Variants in SDK1 observed in about 807,000 individuals in gnomAD.
The protein encoded by SDK1 is protein sidekick-1.
In SDK1, 157 loss-of-function variants were observed where a neutral mutation model predicts 245.5. The observed-to-expected ratio is 0.64, with a 90% CI of 0.56 to 0.73. The LOEUF (loss-of-function observed/expected upper bound fraction) is 0.73. Ranked by LOEUF, SDK1 falls within the 30% of genes least tolerant of loss-of-function variation. The pLI is 0.00. For synonymous variants in SDK1, 1,647 were observed against 1,278.5 expected, an observed-to-expected ratio of 1.29 and a Z score of -6.15; for missense variants, 3,583 against 3,002.3, an observed-to-expected ratio of 1.19 and a Z score of -4.52.
chr7:3,601,219 T>A (rs1781243513), intron 1 of SDK1, among the ~76,000 whole-genome samples: 2 of 152,208 alleles, frequency 1.3e-5, no homozygotes, highest in South Asian at 4.1e-4. Context: ...ATCAAGGTAG[T>A]AATAGTCTTC....
intron 5 of SDK1, among the ~76,000 whole-genome samples, chr7:3,840,547 T>G (rs989459851): frequency 6.6e-6 from 1 of 152,170 alleles, no homozygotes; most frequent in Middle Eastern, 3.2e-3. Flanking sequence ...AATTTGGGGC[T>G]CCATGTCAGC....
At chr7:3,335,469 G>A (rs1780176783) in intron 1 of SDK1, among the ~76,000 whole-genome samples, 1 of 151,388 alleles carries the variant, frequency 6.6e-6, no homozygotes, top group Non-Finnish European at 1.5e-5. Flanking sequence ...TCATAGGTAG[G>A]AATGTTATTT....
intron 4 of SDK1, among the ~76,000 whole-genome samples, chr7:3,791,628 G>A (rs1245804723): frequency 6.6e-6 from 1 of 152,168 alleles, no homozygotes; most frequent in African/African-American, 2.4e-5. Flanking sequence ...GGGTGGGGAG[G>A]ACGATTGGAG....
intron 44 of SDK1, among the ~76,000 whole-genome samples, chr7:4,259,571 C>G (rs1787848637): frequency 6.6e-6 from 1 of 152,152 alleles, no homozygotes; most frequent in Non-Finnish European, 1.5e-5. Flanking sequence ...GGGAACTGCT[C>G]CAGTAGGGCC....
At chr7:3,389,758 C>CAAAG (rs1781700857) in intron 1 of SDK1, among the ~76,000 whole-genome samples, 1 of 101,704 alleles carries the variant, frequency 9.8e-6, no homozygotes, top group Non-Finnish European at 2.1e-5. Context: ...CAGAAATAAA[C>CAAAG]AAAAACAAAA....
intron 1 of SDK1, among the ~76,000 whole-genome samples, chr7:3,511,899 C>T (rs761697720): frequency 3.4e-5 from 5 of 148,956 alleles, no homozygotes; most frequent in Admixed American, 1.4e-4. Context: ...CGTGCACAGC[C>T]TCCTCCATGA....
chr7:3,882,800 TAA>T (rs1443935553), intron 5 of SDK1, among the ~76,000 whole-genome samples: 1 of 152,176 alleles, frequency 6.6e-6, no homozygotes, highest in African/African-American at 2.4e-5. Context: ...CTTCACCAGT[TAA>T]AATGAAAACT....
At chr7:3,634,783 TG>T (rs1782403700) in intron 2 of SDK1, among the ~76,000 whole-genome samples, 1 of 152,236 alleles carries the variant, frequency 6.6e-6, no homozygotes, top group Non-Finnish European at 1.5e-5. Context: ...ACTAAAGAGA[TG>T]GTACAAAACA....
chr7:3,323,578 G>A (rs1237209526), intron 1 of SDK1, among the ~76,000 whole-genome samples: 1 of 152,186 alleles, frequency 6.6e-6, no homozygotes, highest in Non-Finnish European at 1.5e-5. Flanking sequence ...ACTGCTTCTA[G>A]AGGTCAACTT....
At chr7:4,001,757 T>C (rs1785092191) in intron 14 of SDK1, among the ~76,000 whole-genome samples, 1 of 152,266 alleles carries the variant, frequency 6.6e-6, no homozygotes, top group Non-Finnish European at 1.5e-5. Flanking sequence ...GTAGAAAGTA[T>C]CCATCTACTT....
At position 3,342,102 on chromosome 7, in the gene SDK1, C is replaced by T. The variant is rs114167544; in HGVS notation, c.298+40218C>T. Among the ~76,000 whole-genome samples, 383 of 152,138 alleles carry T rather than the reference C, an allele frequency of 2.5e-3. 5 individuals are homozygous for T. Among genetic ancestry groups the T allele is most frequent in the African/African-American group, 8.8e-3 (367 of 41,504 alleles). ...AGAACTAAAAAAATACATAAATATG[C>T]CAAATTAATTTTTGACAAAGGTGAA... On this transcript the variant is annotated intron_variant, in intron 1 of 44. Transcript: ENST00000404826.
At chr7:3,426,296 T>C (rs940228619) in intron 1 of SDK1, among the ~76,000 whole-genome samples, 1 of 152,124 alleles carries the variant, frequency 6.6e-6, no homozygotes, top group Non-Finnish European at 1.5e-5. Context: ...GGGTGCTAAG[T>C]GCGTCACTGA....
chr7:4,205,801 C>A, intron 35 of SDK1, 78 bp from the exon 36 acceptor site: 1 of 1,165,848 alleles, frequency 8.6e-7, no homozygotes, highest in Non-Finnish European at 1.3e-6. Context: ...ATGCTCGAGC[C>A]CCATGGGCAT....
At chr7:3,839,794 A>G (rs561363111) in intron 5 of SDK1, among the ~76,000 whole-genome samples, 6 of 152,124 alleles carry the variant, frequency 3.9e-5, no homozygotes, top group East Asian at 3.8e-4. Flanking sequence ...AGCAATTATG[A>G]TGGATAATCA....
At chr7:3,923,054 T>C (rs895111886) in intron 5 of SDK1, among the ~76,000 whole-genome samples, 2 of 152,256 alleles carry the variant, frequency 1.3e-5, no homozygotes, top group African/African-American at 4.8e-5. Flanking sequence ...TTCTGTTGCA[T>C]TGTTAATTTT....
chr7:3,735,961 T>C (rs956105439), intron 4 of SDK1, among the ~76,000 whole-genome samples: 2 of 152,260 alleles, frequency 1.3e-5, no homozygotes, highest in African/African-American at 4.8e-5. Context: ...TCTTCTCATA[T>C]GCTTTTTGCT....
chr7:3,668,603 C>T (rs1010020543), intron 4 of SDK1, among the ~76,000 whole-genome samples: 2 of 152,096 alleles, frequency 1.3e-5, no homozygotes, highest in Non-Finnish European at 2.9e-5. Context: ...CCAGCCTGGC[C>T]AATATGGTGA....
intron 1 of SDK1, among the ~76,000 whole-genome samples, chr7:3,440,211 A>G (rs1316718281): frequency 6.6e-6 from 1 of 152,220 alleles, no homozygotes; most frequent in Non-Finnish European, 1.5e-5. Flanking sequence ...TGTATTCCAG[A>G]GAACAAAGGA....
chr7:3,455,624 G>C (rs1003668967), intron 1 of SDK1, among the ~76,000 whole-genome samples: 1 of 151,978 alleles, frequency 6.6e-6, no homozygotes, highest in African/African-American at 2.4e-5. Context: ...TCTCTACTCT[G>C]TTCCATTGAT....
Sources: gnomAD v4.1 joint callset for allele counts (sites outside exome capture counted in the v4.1 genomes callset) on GRCh38, gnomAD v4.1.1 for gene constraint, MANE v1.5 for transcripts, NCBI Gene and HGNC (gene_info 2026-07-23, HGNC 2026-07-21) for gene names.